CDH2: variants seen among roughly 807,000 people sequenced by gnomAD.
CDH2 encodes the protein cadherin 2.
Under a neutral mutation model 92.0 loss-of-function variants are expected in CDH2, and 17 were observed. That is an observed-to-expected ratio of 0.18 (90% CI 0.13 to 0.28). CDH2 has a LOEUF of 0.28. Ranked by LOEUF, CDH2 falls within the 10% of genes least tolerant of loss-of-function variation. CDH2 has a pLI of 1.00. For missense variants in CDH2, 862 were observed against 1,133.1 expected (o/e 0.76, Z 3.44); for synonymous variants, 419 against 415.9 (o/e 1.01, Z -0.09).
chr18:28,158,522 G>A (rs749349175), intron 1 of CDH2, among the ~76,000 whole-genome samples: 5 of 152,114 alleles, frequency 3.3e-5, no homozygotes, highest in Non-Finnish European at 7.4e-5. Context: ...CCTTCCTGAT[G>A]CTTCATTCCA....
intron 2 of CDH2, among the ~76,000 whole-genome samples, chr18:28,138,001 T>TTATTTAAAGAATGTGTG (rs1394844407): frequency 1.3e-5 from 2 of 151,994 alleles, no homozygotes; most frequent in African/African-American, 4.8e-5. Flanking sequence ...GGACTAATTT[T>TTATTTAAAGAATGTGTG]TGTTCATTTA....
At chr18:28,036,219 G>A (rs908851778) in intron 2 of CDH2, among the ~76,000 whole-genome samples, 1 of 152,096 alleles carries the variant, frequency 6.6e-6, no homozygotes, top group Non-Finnish European at 1.5e-5. Flanking sequence ...GAGAAGACAA[G>A]AGTGAAATAC....
At chr18:28,064,048 A>C (rs1467912498) in intron 2 of CDH2, among the ~76,000 whole-genome samples, 1 of 152,164 alleles carries the variant, frequency 6.6e-6, no homozygotes, top group African/African-American at 2.4e-5. Context: ...AAACAAGTTA[A>C]AATATATGCT....
intron 7 of CDH2, among the ~76,000 whole-genome samples, chr18:27,998,798 T>G (rs1599021913): frequency 6.6e-6 from 1 of 152,244 alleles, no homozygotes; most frequent in East Asian, 1.9e-4. Context: ...TTTTGTATTT[T>G]TAGTAGAGAC....
At chr18:27,947,213 GAAAT>G (rs1318726418), downstream of CDH2, among the ~76,000 whole-genome samples, 1 of 151,522 alleles carries the variant, frequency 6.6e-6, no homozygotes, top group Non-Finnish European at 1.5e-5. Flanking sequence ...AGTAACAGGA[GAAAT>G]AAAAGTTGAT....
chr18:27,964,467 C>G (rs2011488423), intron 14 of CDH2, among the ~76,000 whole-genome samples: 1 of 152,134 alleles, frequency 6.6e-6, no homozygotes, highest in South Asian at 2.1e-4. Flanking sequence ...TATCATATCC[C>G]CAAGCTTACC....
At chr18:27,938,164 T>A (rs1398316439) in intron 6 of CDH2, among the ~76,000 whole-genome samples, 7 of 152,096 alleles carry the variant, frequency 4.6e-5, no homozygotes. Flanking sequence ...TGGCTCCCCC[T>A]TCGCCTTCCA....
chr18:27,936,459 T>A (rs1909021466), intron 6 of CDH2, among the ~76,000 whole-genome samples: 1 of 152,182 alleles, frequency 6.6e-6, no homozygotes, highest in Non-Finnish European at 1.5e-5. Flanking sequence ...TTTTAATAAG[T>A]AAAACCATCT....
At chr18:28,131,907 T>C (rs1471684034) in intron 2 of CDH2, among the ~76,000 whole-genome samples, 2 of 152,166 alleles carry the variant, frequency 1.3e-5, no homozygotes, top group Non-Finnish European at 2.9e-5. Context: ...CATCCAAACT[T>C]GTGTTCACAC....
intron 1 of CDH2, among the ~76,000 whole-genome samples, chr18:28,148,579 T>C (rs1457349706): frequency 6.6e-6 from 1 of 152,182 alleles, no homozygotes; most frequent in Non-Finnish European, 1.5e-5. Flanking sequence ...GCAGAGCTCC[T>C]GTAGCATCTG....
chr18:28,061,417 T>C (rs1391011524), intron 2 of CDH2, among the ~76,000 whole-genome samples: 14 of 152,066 alleles, frequency 9.2e-5, no homozygotes, highest in Admixed American at 9.2e-4. Flanking sequence ...CCGAGACAGA[T>C]AGACAACTTG....
chr18:28,086,869 A>C (rs900922202), intron 2 of CDH2, among the ~76,000 whole-genome samples: 4 of 152,312 alleles, frequency 2.6e-5, no homozygotes, highest in Admixed American at 2.0e-4. Context: ...CAGCATTTGA[A>C]TGTCCAAAAT....
chr18:27,992,546 T>C (rs1015011957), intron 9 of CDH2, 109 bp downstream of exon 9: 1 of 861,822 alleles, frequency 1.2e-6, no homozygotes, highest in Admixed American at 2.5e-5. Flanking sequence ...TCTGGAGATG[T>C]CTGAAAGAAA....
At chr18:28,142,648 T>C (rs1035083052) in intron 2 of CDH2, among the ~76,000 whole-genome samples, 2 of 152,018 alleles carry the variant, frequency 1.3e-5, no homozygotes, top group Admixed American at 6.6e-5. Flanking sequence ...TTTTTCCTCC[T>C]TAATCATCAA....
At position 27,993,684 on chromosome 18, in the gene CDH2, G is replaced by C. The variant is rs755689824; in HGVS notation, c.1021-47C>G. Reference sequence around the variant, plus strand: ...AACTTAAATGAAACTAATTCCTCAAGAAGACATAACAGTTGTTCTGTAAAC... The same window carrying C: ...AACTTAAATGAAACTAATTCCTCAACAAGACATAACAGTTGTTCTGTAAAC... On this transcript the variant is annotated intron_variant, in intron 7 of 15. Coordinates refer to ENST00000269141, the MANE Select transcript of CDH2 (RefSeq NM_001792.5). 5.6e-6 allele frequency: 8 copies of C among 1,424,828 alleles called. No homozygotes were observed. The South Asian group carries it at 9.5e-5, about 17-fold the overall frequency. 88.3% of individuals were successfully genotyped at this position (1,424,828 alleles called of 1,614,324 possible).
intron 2 of CDH2, among the ~76,000 whole-genome samples, chr18:28,082,096 A>G (rs2014842131): frequency 6.6e-6 from 1 of 152,180 alleles, no homozygotes; most frequent in South Asian, 2.1e-4. Context: ...TCTTGTTGTA[A>G]GGATCACAGT....
In CDH2 at chr18:28,013,869, A is replaced by G. The variant is rs199923410; in HGVS notation, c.213T>C (p.Tyr71=). 1.1e-4 allele frequency: 182 copies of G among 1,613,588 alleles called. No homozygotes were observed. Among genetic ancestry groups the G allele is most frequent in the Non-Finnish European group, 1.5e-4 (180 of 1,179,928 alleles). Residue 71 remains tyrosine, a synonymous_variant, in exon 3 of 16, where the codon TAT becomes TAC. Coordinates refer to ENST00000269141, the MANE Select transcript of CDH2 (RefSeq NM_001792.5). The stretch of plus-strand genomic sequence containing the variant: ...TAAAATCTGCAGGCTCACTGCTCTC[A>G]TATTGTACTTTTCTTTTTCCATTGC... ...SNCNGKRKVQ[Y]ESSEPADFKV...
At chr18:28,004,764 C>G (rs2012866758) in intron 6 of CDH2, among the ~76,000 whole-genome samples, 1 of 152,284 alleles carries the variant, frequency 6.6e-6, no homozygotes, top group South Asian at 2.1e-4. Flanking sequence ...GAAAGCTACT[C>G]TGACGATGTG....
At chr18:27,977,627 C>T (rs906168859) in intron 14 of CDH2, among the ~76,000 whole-genome samples, 25 of 152,024 alleles carry the variant, frequency 1.6e-4, no homozygotes, top group Non-Finnish European at 3.2e-4. Context: ...GACTGCTGTA[C>T]AGACCTGCCT....
Sources: gnomAD v4.1 joint callset for allele counts (sites outside exome capture counted in the v4.1 genomes callset) on GRCh38, gnomAD v4.1.1 for gene constraint, MANE v1.5 for transcripts, NCBI Gene and HGNC (gene_info 2026-07-23, HGNC 2026-07-21) for gene names.